Variants in RAMACL observed in about 807,000 individuals in gnomAD.
RAMACL encodes the protein RNA guanine-7 methyltransferase activating subunit like.
RAMACL carries 9 observed loss-of-function variants against 13.4 expected under a neutral mutation model. The ratio of observed to expected loss-of-function variants is 0.67; its 90% CI spans 0.41 to 1.17. The LOEUF is 1.17. RAMACL is among the 50% of genes most tolerant of loss of function. The probability of loss-of-function intolerance (pLI) is 0.01; values close to 1 mark genes in which losing one functional copy is unlikely to be tolerated. For missense variants in RAMACL, 124 were observed against 141.6 expected (o/e 0.88, Z 0.63); for synonymous variants, 39 against 49.3 (o/e 0.79, Z 0.88).
At chr6:166,586,571 C>T in exon 1 of RAMACL, 1 of 1,237,904 alleles carries the variant, frequency 8.1e-7, no homozygotes, top group Non-Finnish European at 1.1e-6. Flanking sequence ...TCAGGCCGAA[C>T]CCCGCCGGCG....
chr6:166,585,498 C>CTTTTT (rs58153048), downstream of RAMACL, among the ~76,000 whole-genome samples: 1 of 86,302 alleles, frequency 1.2e-5, no homozygotes, highest in Non-Finnish European at 2.0e-5. Flanking sequence ...TCAAACAAGT[C>CTTTTT]TTTTTTTTTT....
exon 1 of RAMACL, chr6:166,585,996 A>G (rs1197878069): frequency 2.2e-5 from 11 of 507,448 alleles, no homozygotes; most frequent in Non-Finnish European, 3.3e-5. Flanking sequence ...TTAAAGTCTC[A>G]ACTTCCAAAA....
At chr6:166,583,618 T>A (rs1562594622), downstream of RAMACL, among the ~76,000 whole-genome samples, 1 of 152,156 alleles carries the variant, frequency 6.6e-6, no homozygotes, top group East Asian at 1.9e-4. Flanking sequence ...CGTGACAGTT[T>A]GTCATTAAAA....
chr6:166,584,424 G>C (rs1052520172), downstream of RAMACL, among the ~76,000 whole-genome samples: 3 of 152,194 alleles, frequency 2.0e-5, no homozygotes, highest in Non-Finnish European at 4.4e-5. Flanking sequence ...ATACAATTGA[G>C]TCCATTAACA....
chr6:166,585,244 G>A (rs889619495), downstream of RAMACL, among the ~76,000 whole-genome samples: 11 of 152,318 alleles, frequency 7.2e-5, no homozygotes, highest in Middle Eastern at 3.4e-3. Context: ...AAACGAAGCC[G>A]TCCTCGCTGG....
At position 166,586,133 on chromosome 6, in the gene RAMACL, G is replaced by T; in HGVS notation, c.345C>A (p.Tyr115Ter). 3 of 1,506,950 alleles carry T rather than the reference G, an allele frequency of 2.0e-6. No individual in the cohort carries two copies. The highest frequency in any genetic ancestry group is 2.7e-6 in the Non-Finnish European group (3 of 1,126,588). 93.3% of individuals were successfully genotyped at this position (1,506,950 alleles called of 1,614,324 possible). The change falls in exon 1 of 1, where the codon TAC becomes TAA. Residue 115 changes from tyrosine to a stop codon, truncating the protein, a stop_gained. Coordinates refer to ENST00000444122, the Ensembl canonical transcript of RAMACL. LOFTEE classifies it high-confidence loss of function. Reference sequence around the variant, plus strand: ...GCCAACATTTCTATCAGTAGTAACCGTAAGGAGGCCGCTGGTTGTAACCAT... The same window carrying T: ...GCCAACATTTCTATCAGTAGTAACCTTAAGGAGGCCGCTGGTTGTAACCAT...
downstream of RAMACL, among the ~76,000 whole-genome samples, chr6:166,585,041 T>C (rs1360764761): frequency 6.6e-6 from 1 of 152,130 alleles, no homozygotes. Context: ...CTTGGTCATC[T>C]TTGCACCTCT....
At chr6:166,583,134 G>A (rs79666405), downstream of RAMACL, among the ~76,000 whole-genome samples, 35 of 152,240 alleles carry the variant, frequency 2.3e-4, no homozygotes, top group East Asian at 5.4e-3. Flanking sequence ...ACTCGCATTC[G>A]CATACTTTTC....
downstream of RAMACL, among the ~76,000 whole-genome samples, chr6:166,585,498 CTTTTTTTTT>C (rs58153048): frequency 4.6e-5 from 4 of 86,308 alleles, no homozygotes; most frequent in East Asian, 3.3e-4. Context: ...TCAAACAAGT[CTTTTTTTTT>C]TTTTTTTTTT....
exon 1 of RAMACL, chr6:166,586,476 A>G: frequency 3.8e-6 from 6 of 1,597,412 alleles, no homozygotes; most frequent in Non-Finnish European, 4.2e-6. Context: ...AGTGTCAGTC[A>G]TTCTGAAAAT....
At chr6:166,586,459 C>A (rs1394545907) in exon 1 of RAMACL, 4 of 1,598,832 alleles carry the variant, frequency 2.5e-6, no homozygotes, top group Non-Finnish European at 3.4e-6. Flanking sequence ...TTTGGAACAG[C>A]TTCGGCAGTG....
At chr6:166,584,775 C>T (rs918729701), downstream of RAMACL, among the ~76,000 whole-genome samples, 3 of 152,232 alleles carry the variant, frequency 2.0e-5, 1 homozygote, top group East Asian at 5.8e-4. Flanking sequence ...GAGCTGTGAG[C>T]TCAGAAAGCG....
chr6:166,586,622 A>G, exon 1 of RAMACL: 1 of 685,970 alleles, frequency 1.5e-6, no homozygotes. Context: ...CTGGTCCACT[A>G]CACCGTGGAA....
At chr6:166,586,311 T>G in exon 1 of RAMACL, 1 of 1,599,212 alleles carries the variant, frequency 6.3e-7, no homozygotes, top group Non-Finnish European at 8.5e-7. Context: ...TTGCAACCGA[T>G]TGCCTCTGTT....
chr6:166,585,186 G>T (rs1785129614), downstream of RAMACL, among the ~76,000 whole-genome samples: 1 of 152,224 alleles, frequency 6.6e-6, no homozygotes, highest in Non-Finnish European at 1.5e-5. Flanking sequence ...GAAAAAAGAT[G>T]CAGCTCTGGC....
At chr6:166,583,580 G>C (rs1382730196), downstream of RAMACL, among the ~76,000 whole-genome samples, 1 of 152,202 alleles carries the variant, frequency 6.6e-6, no homozygotes, top group Non-Finnish European at 1.5e-5. Context: ...AGGTGACAAA[G>C]GAGAGACGCT....
exon 1 of RAMACL, among the ~76,000 whole-genome samples, chr6:166,585,720 GATT>G (rs1338349501): frequency 2.3e-5 from 2 of 86,744 alleles, no homozygotes; most frequent in African/African-American, 8.6e-5. Context: ...TTCATGAGCT[GATT>G]ATATCAACCT....
At chr6:166,583,205 A>T (rs1247159805), downstream of RAMACL, among the ~76,000 whole-genome samples, 1 of 152,236 alleles carries the variant, frequency 6.6e-6, no homozygotes. Flanking sequence ...TTGTGAGCTA[A>T]AAGTGCTGAA....
chr6:166,584,088 A>G (rs944206113), downstream of RAMACL, among the ~76,000 whole-genome samples: 3 of 152,254 alleles, frequency 2.0e-5, no homozygotes, highest in South Asian at 6.2e-4. Context: ...CTGAGCTGCC[A>G]TAACAAAGTA....
Sources: allele counts gnomAD v4.1 joint callset (sites outside exome capture counted in the v4.1 genomes callset), GRCh38; gene constraint gnomAD v4.1.1; transcripts MANE v1.5; gene names NCBI Gene and HGNC (gene_info 2026-07-23, HGNC 2026-07-21).